The following TBC1D22A variants were observed in gnomAD, a reference collection of about 807,000 sequenced individuals.
TBC1D22A encodes putative GTPase activator.
In TBC1D22A, 38 loss-of-function variants were observed where a neutral mutation model predicts 60.2. The ratio of observed to expected loss-of-function variants is 0.63; its 90% confidence interval spans 0.49 to 0.83. The LOEUF (loss-of-function observed/expected upper bound fraction) is 0.83. TBC1D22A is among the 40% of genes least tolerant of loss of function. The pLI is 0.00. For missense variants in TBC1D22A, 628 were observed against 701.0 expected (o/e 0.90, Z 1.18); for synonymous variants, 302 against 281.7 (o/e 1.07, Z -0.72).
intron 4 of TBC1D22A, 140 bp from the exon 5 acceptor site, chr22:46,878,513 T>C: frequency 1.4e-6 from 1 of 712,908 alleles, no homozygotes; most frequent in Non-Finnish European, 2.5e-6. Flanking sequence ...CAATCGTATC[T>C]GAAATGTTGA....
At chr22:47,155,019 G>T (rs1212426534) in intron 12 of TBC1D22A, among the ~76,000 whole-genome samples, 1 of 152,166 alleles carries the variant, frequency 6.6e-6, no homozygotes, top group Non-Finnish European at 1.5e-5. Flanking sequence ...CCCAAACACC[G>T]CAAGGCAGGA....
At chr22:47,011,219 C>G (rs1465682571) in intron 10 of TBC1D22A, among the ~76,000 whole-genome samples, 1 of 152,142 alleles carries the variant, frequency 6.6e-6, no homozygotes, top group African/African-American at 2.4e-5. Flanking sequence ...ACTTGGGCAG[C>G]CTTGGGGTGT....
intron 4 of TBC1D22A, among the ~76,000 whole-genome samples, chr22:46,833,690 TC>T (rs2086403606): frequency 6.6e-6 from 1 of 152,164 alleles, no homozygotes; most frequent in African/African-American, 2.4e-5. Flanking sequence ...AGGAGCTTGG[TC>T]TTGAAGAAAT....
In TBC1D22A at chr22:46,802,404, G is replaced by A. The variant is rs76309307; in HGVS notation, c.637+4784G>A. ...GCTGTTTCTGGGGCGAGATCTGCAC[G>A]GAGTCAGGTATTTGAAGAGGGGGCA... On this transcript the variant is annotated intron_variant, in intron 4 of 12. Transcript: ENST00000337137. Among the ~76,000 whole-genome samples the A allele has an allele frequency of 3.4e-3, 511 of 152,346 alleles. 6 individuals are homozygous for A. The highest frequency in any genetic ancestry group is 0.012 in the South Asian group (56 of 4,832).
chr22:47,083,511 G>C (rs960646268), intron 11 of TBC1D22A, among the ~76,000 whole-genome samples: 2 of 152,128 alleles, frequency 1.3e-5, no homozygotes, highest in Non-Finnish European at 2.9e-5. Context: ...GTTCTCCCCA[G>C]GTAGTGAGGC....
rs1358648283 is a variant in TBC1D22A at position 47,040,223 on chromosome 22, G to T, written c.1329+3025G>T. Reference sequence around the variant, plus strand: ...GCCTCCCAAAGTGCTGGGATTACAGGTGTGAGCCACCACGCCTGGCCGGTG... The same window carrying T: ...GCCTCCCAAAGTGCTGGGATTACAGTTGTGAGCCACCACGCCTGGCCGGTG... On this transcript the variant is annotated intron_variant, in intron 11 of 12. Transcript: ENST00000337137. Among the ~76,000 whole-genome samples the T allele has an allele frequency of 3.3e-5, 5 of 152,240 alleles. No homozygotes were observed. In the South Asian group the frequency reaches 1.0e-3, roughly 32 times the overall value.
intron 8 of TBC1D22A, among the ~76,000 whole-genome samples, chr22:46,929,538 C>T (rs887264035): frequency 2.6e-5 from 4 of 152,136 alleles, no homozygotes; most frequent in Admixed American, 6.5e-5. Context: ...AGTATTCACA[C>T]GCAAGGCTGC....
intron 4 of TBC1D22A, among the ~76,000 whole-genome samples, chr22:46,810,822 C>A (rs2147031075): frequency 6.6e-6 from 1 of 152,274 alleles, no homozygotes; most frequent in East Asian, 1.9e-4. Flanking sequence ...CTAGACGCCC[C>A]ATGGTGATAC....
chr22:47,119,069 AAC>A (rs1488707524), intron 12 of TBC1D22A, among the ~76,000 whole-genome samples: 1 of 152,186 alleles, frequency 6.6e-6, no homozygotes, highest in East Asian at 1.9e-4. Context: ...GAATCGTTTG[AAC>A]CAGGGAGGCA....
chr22:46,806,591 A>C (rs2085151126), intron 4 of TBC1D22A, among the ~76,000 whole-genome samples: 1 of 151,692 alleles, frequency 6.6e-6, no homozygotes, highest in African/African-American at 2.4e-5. Context: ...TATTATTTAA[A>C]AAAAGTATGG....
intron 10 of TBC1D22A, among the ~76,000 whole-genome samples, chr22:47,017,209 G>A (rs1236354445): frequency 1.3e-5 from 2 of 152,228 alleles, no homozygotes; most frequent in African/African-American, 4.8e-5. Context: ...TGGGAAGAAG[G>A]CAGTAATAGA....
chr22:47,052,098 G>A (rs1459204666), intron 11 of TBC1D22A, among the ~76,000 whole-genome samples: 1 of 152,200 alleles, frequency 6.6e-6, no homozygotes, highest in Non-Finnish European at 1.5e-5. Flanking sequence ...CAAGGTGTCC[G>A]CAGGTCCTCT....
At chr22:46,977,332 A>G (rs1334883471) in intron 9 of TBC1D22A, among the ~76,000 whole-genome samples, 1 of 151,966 alleles carries the variant, frequency 6.6e-6, no homozygotes, top group East Asian at 1.9e-4. Context: ...TAACTTTGTC[A>G]TTTTGGCCGA....
chr22:46,853,789 C>A (rs1216619444), intron 4 of TBC1D22A, among the ~76,000 whole-genome samples: 4 of 152,078 alleles, frequency 2.6e-5, no homozygotes, highest in Non-Finnish European at 5.9e-5. Flanking sequence ...AGGGCCTCGT[C>A]CTCTGGGCCC....
chr22:46,835,517 AC>A (rs1326462841), intron 4 of TBC1D22A, among the ~76,000 whole-genome samples: 12 of 152,226 alleles, frequency 7.9e-5, no homozygotes, highest in African/African-American at 2.7e-4. Flanking sequence ...AGGCTCAAAG[AC>A]AGGTCATTTG....
At chr22:47,031,257 C>T (rs1361392861) in intron 10 of TBC1D22A, among the ~76,000 whole-genome samples, 1 of 152,208 alleles carries the variant, frequency 6.6e-6, no homozygotes, top group African/African-American at 2.4e-5. Flanking sequence ...GCTTGTAATT[C>T]GGGTGCAGTG....
intron 1 of TBC1D22A, among the ~76,000 whole-genome samples, chr22:46,787,125 A>G (rs1403421189): frequency 6.6e-6 from 1 of 152,176 alleles, no homozygotes; most frequent in Non-Finnish European, 1.5e-5. Context: ...AGTTGTTCAT[A>G]ATATTCTCAT....
chr22:46,893,820 C>T (rs1053402498), intron 6 of TBC1D22A, among the ~76,000 whole-genome samples: 2 of 152,208 alleles, frequency 1.3e-5, no homozygotes, highest in African/African-American at 2.4e-5. Context: ...TCCTTTGGCA[C>T]GCATCACAGA....
At chr22:47,160,882 T>C (rs1372470066) in intron 12 of TBC1D22A, among the ~76,000 whole-genome samples, 1 of 152,126 alleles carries the variant, frequency 6.6e-6, no homozygotes. Flanking sequence ...CCGCAGGCGC[T>C]GTGGAGCCCA....
Sources: allele counts gnomAD v4.1 joint callset (sites outside exome capture counted in the v4.1 genomes callset), GRCh38; gene constraint gnomAD v4.1.1; transcripts MANE v1.5; gene names NCBI Gene and HGNC (gene_info 2026-07-23, HGNC 2026-07-21).